The following CDYL variants were observed in gnomAD, a reference collection of about 807,000 sequenced individuals.
CDYL encodes the protein chromodomain Y-like protein.
Under a neutral mutation model 47.3 loss-of-function variants are expected in CDYL, and 8 were observed. That is an observed-to-expected ratio of 0.17 (90% confidence interval 0.10 to 0.31). CDYL has a LOEUF of 0.31. CDYL is among the 10% of genes least tolerant of loss of function. The pLI, the probability that CDYL is intolerant of heterozygous loss-of-function variation, is 1.00. For synonymous variants in CDYL, 266 were observed against 265.0 expected (o/e 1.00, Z -0.04); for missense variants, 471 against 701.4 (o/e 0.67, Z 3.71).
chr6:4,835,924 C>T (rs544806311), intron 1 of CDYL, among the ~76,000 whole-genome samples: 12 of 152,286 alleles, frequency 7.9e-5, no homozygotes, highest in African/African-American at 1.9e-4. Flanking sequence ...TTTTTAAGCC[C>T]GTCAGAAAAG....
chr6:4,844,076 A>G (rs189560351), intron 1 of CDYL, among the ~76,000 whole-genome samples: 1 of 152,128 alleles, frequency 6.6e-6, no homozygotes, highest in East Asian at 1.9e-4. Context: ...TGAGAGCCAA[A>G]CCGTGGTGAT....
intron 4 of CDYL, among the ~76,000 whole-genome samples, chr6:4,941,408 A>G (rs1271727581): frequency 2.6e-5 from 4 of 152,164 alleles, no homozygotes; most frequent in Admixed American, 2.6e-4. Flanking sequence ...TTCTTTTTTA[A>G]AACAAAACGA....
intron 1 of CDYL, among the ~76,000 whole-genome samples, chr6:4,889,438 T>C (rs1262283420): frequency 6.6e-6 from 1 of 152,122 alleles, no homozygotes; most frequent in Non-Finnish European, 1.5e-5. Flanking sequence ...TTGTCCAGGC[T>C]GGTCTCAAAC....
intron 1 of CDYL, among the ~76,000 whole-genome samples, chr6:4,854,889 A>G (rs1300491313): frequency 6.6e-6 from 1 of 152,216 alleles, no homozygotes; most frequent in African/African-American, 2.4e-5. Flanking sequence ...TAAAGGAAGA[A>G]GTCTACAGAG....
chr6:4,852,432 C>T (rs1760865642), intron 1 of CDYL, among the ~76,000 whole-genome samples: 1 of 120,426 alleles, frequency 8.3e-6, no homozygotes, highest in Admixed American at 8.7e-5. Context: ...TTCCTTCCTC[C>T]TTCCTTCCTT....
Position 4,954,280 on chromosome 6 carries a change from T to TAATG in CDYL, c.*225_*226insATGA. On this transcript the variant is annotated 3_prime_UTR_variant, in exon 7 of 7. Transcript: ENST00000397588. ...CTTCTTTGTCCAAACGTCATTATTTTATACTTATATACACGCAGGTGTAAA... is the reference window on the plus strand; with the variant it reads ...CTTCTTTGTCCAAACGTCATTATTTTAATGATACTTATATACACGCAGGTGTAAA... 2 of 420,256 alleles carry TAATG rather than the reference T, an allele frequency of 4.8e-6. No homozygotes were observed. Among genetic ancestry groups the TAATG allele is most frequent in the South Asian group, 5.1e-5 (1 of 19,732 alleles). 26.0% of individuals were successfully genotyped at this position (420,256 alleles called of 1,614,324 possible).
At chr6:4,813,904 G>A (rs539865988) in intron 1 of CDYL, among the ~76,000 whole-genome samples, 2 of 151,344 alleles carry the variant, frequency 1.3e-5, no homozygotes, top group Non-Finnish European at 2.9e-5. Context: ...CTCCCGGCTG[G>A]AACTACAGAA....
intron 1 of CDYL, among the ~76,000 whole-genome samples, chr6:4,794,980 A>G (rs1350002429): frequency 2.0e-5 from 3 of 151,192 alleles, no homozygotes; most frequent in Non-Finnish European, 4.4e-5. Context: ...TTCTTTTCGA[A>G]CTCCTGCAGT....
chr6:4,828,516 T>A (rs1433076352), intron 1 of CDYL, among the ~76,000 whole-genome samples: 1 of 152,194 alleles, frequency 6.6e-6, no homozygotes. Context: ...ACCTTGTGCT[T>A]GTCAAGTCAC....
chr6:4,893,694 C>CAA (rs760685131), intron 2 of CDYL, among the ~76,000 whole-genome samples: 2,618 of 103,314 alleles, frequency 0.025, 79 homozygotes, highest in African/African-American at 0.086. Flanking sequence ...CTCCGTCTCC[C>CAA]AAAAAAAAAA....
intron 1 of CDYL, among the ~76,000 whole-genome samples, chr6:4,875,218 G>GT (rs1561681888): frequency 2.0e-5 from 3 of 152,122 alleles, no homozygotes; most frequent in African/African-American, 7.2e-5. Context: ...AGCCACTGTA[G>GT]TAAGACTTGA....
chr6:4,922,059 C>T (rs187457839), intron 2 of CDYL, among the ~76,000 whole-genome samples: 1 of 152,226 alleles, frequency 6.6e-6, no homozygotes, highest in Non-Finnish European at 1.5e-5. Flanking sequence ...TTTGTGCAGC[C>T]TCATGGGCCT....
intron 2 of CDYL, among the ~76,000 whole-genome samples, chr6:4,723,793 G>A (rs555280264): frequency 1.3e-5 from 2 of 152,316 alleles, no homozygotes; most frequent in East Asian, 1.9e-4. Context: ...AAAAATCTAA[G>A]GGAAACATCA....
intron 2 of CDYL, among the ~76,000 whole-genome samples, chr6:4,917,421 G>A (rs1757589000): frequency 6.6e-6 from 1 of 152,126 alleles, no homozygotes; most frequent in Non-Finnish European, 1.5e-5. Flanking sequence ...GTTGGGGTTT[G>A]TTAGACTTTG....
At chr6:4,949,034 C>T (rs1020697405) in intron 5 of CDYL, among the ~76,000 whole-genome samples, 1 of 152,266 alleles carries the variant, frequency 6.6e-6, no homozygotes, top group African/African-American at 2.4e-5. Flanking sequence ...AAAGGAATCA[C>T]ATTATCAAGA....
chr6:4,949,239 G>C (rs1561726234), intron 5 of CDYL, among the ~76,000 whole-genome samples: 1 of 152,292 alleles, frequency 6.6e-6, no homozygotes, highest in East Asian at 1.9e-4. Context: ...TGGAAATCTT[G>C]CACCTCTCAG....
At chr6:4,724,109 T>C (rs1027568768) in intron 2 of CDYL, among the ~76,000 whole-genome samples, 1 of 152,248 alleles carries the variant, frequency 6.6e-6, no homozygotes, top group African/African-American at 2.4e-5. Flanking sequence ...GGCATGATCT[T>C]GGCTCACTAT....
At chr6:4,772,892 T>C (rs1758358257), upstream of CDYL, 1 of 344,158 alleles carries the variant, frequency 2.9e-6, no homozygotes, top group Non-Finnish European at 5.7e-6. Context: ...CTTTTGTTTT[T>C]TTCTGTCCCA....
At chr6:4,924,447 T>TA (rs1561711543) in intron 2 of CDYL, among the ~76,000 whole-genome samples, 1 of 152,240 alleles carries the variant, frequency 6.6e-6, no homozygotes, top group Non-Finnish European at 1.5e-5. Flanking sequence ...TTCCAGGAAT[T>TA]ATTTGTATGT....
Sources: allele counts gnomAD v4.1 joint callset (sites outside exome capture counted in the v4.1 genomes callset), GRCh38; gene constraint gnomAD v4.1.1; transcripts MANE v1.5; gene names NCBI Gene and HGNC (gene_info 2026-07-23, HGNC 2026-07-21).